The following RAD51B variants were observed in gnomAD, a reference collection of about 807,000 sequenced individuals.
RAD51B encodes DNA repair protein RAD51 homolog 2.
A neutral mutation model predicts 42.2 loss-of-function variants in RAD51B; 38 were observed. The observed-to-expected ratio is 0.90, with a 90% CI of 0.70 to 1.18. RAD51B has a LOEUF of 1.18. Ranked by LOEUF, RAD51B falls within the 50% of genes most tolerant of loss-of-function variation. RAD51B has a pLI of 0.00. For missense variants in RAD51B, 373 were observed against 400.7 expected, an observed-to-expected ratio of 0.93 and a Z score of 0.59; for synonymous variants, 154 against 145.2, an observed-to-expected ratio of 1.06 and a Z score of -0.43.
chr14:68,215,387 C>T (rs2079793268), intron 7 of RAD51B, among the ~76,000 whole-genome samples: 1 of 152,100 alleles, frequency 6.6e-6, no homozygotes, highest in Non-Finnish European at 1.5e-5. Flanking sequence ...ATTATTGTAC[C>T]CATTTCAGAA....
intron 1 of RAD51B, among the ~76,000 whole-genome samples, chr14:67,823,019 G>C (rs2040685012): frequency 6.6e-6 from 1 of 152,050 alleles, no homozygotes; most frequent in African/African-American, 2.4e-5. Flanking sequence ...TTCCTTCTAG[G>C]GCTATTGAGA....
intron 7 of RAD51B, among the ~76,000 whole-genome samples, chr14:68,008,480 C>T (rs1010059236): frequency 2.0e-5 from 3 of 151,840 alleles, no homozygotes; most frequent in Admixed American, 1.3e-4. Flanking sequence ...TGATTACCTT[C>T]GGGCGGTGTA....
At chr14:68,300,980 G>A (rs879270333) in intron 8 of RAD51B, among the ~76,000 whole-genome samples, 1 of 152,186 alleles carries the variant, frequency 6.6e-6, no homozygotes, top group Non-Finnish European at 1.5e-5. Context: ...CGGTATACAA[G>A]AGCAAAATTA....
chr14:67,971,780 A>G (rs1308193905), intron 7 of RAD51B, among the ~76,000 whole-genome samples: 3 of 152,020 alleles, frequency 2.0e-5, no homozygotes, highest in Admixed American at 1.3e-4. Context: ...TGTAAGCACC[A>G]TCTTAATATT....
chr14:68,124,828 A>G (rs2077723204), intron 7 of RAD51B, among the ~76,000 whole-genome samples: 1 of 152,054 alleles, frequency 6.6e-6, no homozygotes. Flanking sequence ...GGGCACCTGT[A>G]ATTCCAGCTA....
At chr14:68,602,506 C>CTAGCTAGCTAGATAGATAGA (rs796356164) in intron 10 of RAD51B, among the ~76,000 whole-genome samples, 6 of 149,028 alleles carry the variant, frequency 4.0e-5, no homozygotes, top group African/African-American at 9.9e-5. Flanking sequence ...GGATGGATAG[C>CTAGCTAGCTAGATAGATAGA]TAGATAGATA....
At chr14:68,410,123 A>G (rs2084378238) in intron 8 of RAD51B, among the ~76,000 whole-genome samples, 1 of 152,258 alleles carries the variant, frequency 6.6e-6, no homozygotes, top group Admixed American at 6.5e-5. Flanking sequence ...TGCATTATAA[A>G]ATGGTTAGCA....
chr14:68,624,861 A>ATAATTTCAT (rs1892038311), intron 10 of RAD51B, among the ~76,000 whole-genome samples: 1 of 152,074 alleles, frequency 6.6e-6, no homozygotes, highest in Non-Finnish European at 1.5e-5. Flanking sequence ...TCATATCCAG[A>ATAATTTCAT]GCCCTCCCAT....
chr14:68,161,337 A>C (rs1274295889), intron 7 of RAD51B, among the ~76,000 whole-genome samples: 1 of 152,136 alleles, frequency 6.6e-6, no homozygotes, highest in Admixed American at 6.5e-5. Flanking sequence ...CCAGGTGTAT[A>C]CTCTACTAGC....
At chr14:68,261,563 A>G (rs2080890426) in intron 7 of RAD51B, among the ~76,000 whole-genome samples, 1 of 152,168 alleles carries the variant, frequency 6.6e-6, no homozygotes, top group East Asian at 1.9e-4. Flanking sequence ...ATTATATGCT[A>G]TTCATATTAC....
intron 7 of RAD51B, among the ~76,000 whole-genome samples, chr14:68,284,753 T>C (rs796372719): frequency 9.9e-5 from 15 of 152,204 alleles, no homozygotes; most frequent in African/African-American, 3.6e-4. Flanking sequence ...AAAGTTTATT[T>C]TTGTGTTTTT....
At chr14:68,304,131 C>T (rs1233075985) in intron 8 of RAD51B, among the ~76,000 whole-genome samples, 2 of 151,032 alleles carry the variant, frequency 1.3e-5, no homozygotes, top group African/African-American at 2.4e-5. Flanking sequence ...GATGGCGCCA[C>T]TGCACTCCAG....
chr14:68,083,266 C>T (rs1412627129), intron 7 of RAD51B, among the ~76,000 whole-genome samples: 1 of 152,176 alleles, frequency 6.6e-6, no homozygotes, highest in Non-Finnish European at 1.5e-5. Flanking sequence ...ATAATTTCAG[C>T]CTGTATCAGA....
downstream of RAD51B, among the ~76,000 whole-genome samples, chr14:68,481,136 A>G (rs138341428): frequency 6.6e-6 from 1 of 152,296 alleles, no homozygotes; most frequent in African/African-American, 2.4e-5. Flanking sequence ...TTCTCTTGTT[A>G]ATCTGTGTTT....
At chr14:67,888,720 T>C (rs908718939) in intron 7 of RAD51B, among the ~76,000 whole-genome samples, 1 of 152,180 alleles carries the variant, frequency 6.6e-6, no homozygotes, top group Non-Finnish European at 1.5e-5. Context: ...GTACATTGTA[T>C]TGGGTATTAT....
At chr14:68,294,980 C>T (rs1309640159) in intron 8 of RAD51B, among the ~76,000 whole-genome samples, 1 of 152,180 alleles carries the variant, frequency 6.6e-6, no homozygotes, top group Non-Finnish European at 1.5e-5. Context: ...GATGGGGTGA[C>T]TGGTCAATTT....
intron 8 of RAD51B, among the ~76,000 whole-genome samples, chr14:68,400,068 G>A (rs2084053294): frequency 6.6e-6 from 1 of 152,184 alleles, no homozygotes; most frequent in African/African-American, 2.4e-5. Flanking sequence ...TGAAGCAACA[G>A]CAGGCTTACC....
intron 4 of RAD51B, among the ~76,000 whole-genome samples, chr14:67,847,702 T>A (rs2041668243): frequency 6.6e-6 from 1 of 152,216 alleles, no homozygotes; most frequent in East Asian, 1.9e-4. Flanking sequence ...TGACCAAACA[T>A]GTGGTTGCTC....
intron 7 of RAD51B, among the ~76,000 whole-genome samples, chr14:67,997,010 T>C (rs1204046218): frequency 6.6e-6 from 1 of 152,178 alleles, no homozygotes; most frequent in Non-Finnish European, 1.5e-5. Context: ...CCTGTGTAAG[T>C]GCATTTTACA....
Sources: allele counts gnomAD v4.1 joint callset (sites outside exome capture counted in the v4.1 genomes callset), GRCh38; gene constraint gnomAD v4.1.1; transcripts MANE v1.5; gene names NCBI Gene and HGNC (gene_info 2026-07-23, HGNC 2026-07-21).